The following SLC16A9 variants were observed in gnomAD, a reference collection of about 807,000 sequenced individuals.
SLC16A9 encodes the protein solute carrier family 16 member 9.
Under a neutral mutation model 44.3 loss-of-function variants are expected in SLC16A9, and 26 were observed. The observed-to-expected ratio is 0.59, with a 90% CI of 0.43 to 0.81. The LOEUF is 0.81. Ranked by LOEUF, SLC16A9 falls within the 40% of genes least tolerant of loss-of-function variation. SLC16A9 has a pLI of 0.00. For missense variants in SLC16A9, 559 were observed against 595.8 expected, an observed-to-expected ratio of 0.94 and a Z score of 0.64; for synonymous variants, 230 against 225.1, an observed-to-expected ratio of 1.02 and a Z score of -0.19.
At position 59,652,625 on chromosome 10, in the gene SLC16A9, A is replaced by AT. The variant is rs929703405; in HGVS notation, c.*146_*147insA. ...ACACTACATAAAAAATAGGATATAT[A>AT]AAAAAAAATAATTCATTCAGAGTCA... On this transcript the variant is annotated 3_prime_UTR_variant, in exon 6 of 6. Transcript: ENST00000395348. 3.3e-5 allele frequency: 20 copies of AT among 607,788 alleles called. No homozygotes were observed. Among genetic ancestry groups the AT allele is most frequent in the African/African-American group, 2.5e-4 (11 of 44,662 alleles). The allele number at this position is 607,788 out of a possible 1,614,324, so 37.6% of individuals were successfully genotyped here.
rs1348234116 is a variant in SLC16A9 at position 59,709,168 on chromosome 10, T to TG, written c.-37+310dup. Among the ~76,000 whole-genome samples the TG allele has an allele frequency of 2.0e-5, 3 of 152,216 alleles. No individual in the cohort carries two copies. The South Asian group carries it at 6.2e-4, about 32-fold the overall frequency. On this transcript the variant is annotated intron_variant, in intron 1 of 5. Transcript: ENST00000395348. ...TCTCTGGAGTCCAGAGGCAGCTCTC[T>TG]GGGGGGCCACCGTACCACCCCCAGG...
chr10:59,660,217 G>GT, intron 4 of SLC16A9, among the ~76,000 whole-genome samples: 1 of 152,048 alleles, frequency 6.6e-6, no homozygotes, highest in Non-Finnish European at 1.5e-5. Flanking sequence ...CCAGGAGCTG[G>GT]TTTTTTGAAA....
Position 59,653,821 on chromosome 10 carries a change from G to C in SLC16A9, c.1205C>G (p.Ser402Cys). 2 of 1,614,126 alleles carry C rather than the reference G, an allele frequency of 1.2e-6. No homozygotes were observed. The highest frequency in any genetic ancestry group is 1.7e-6 in the Non-Finnish European group (2 of 1,180,042). Residue 402 changes from serine to cysteine, a missense_variant, in exon 5 of 6, where the codon TCT becomes TGT. Transcript: ENST00000395348. Reference sequence around the variant, plus strand: ...ACCAGTAAGAAACCCTAGGATCCCAGAAAGCAACGCCAATGTGACATAGCT... The same window carrying C: ...ACCAGTAAGAAACCCTAGGATCCCACAAAGCAACGCCAATGTGACATAGCT... ...AKSYVTLALL[S>C]GILGFLTGNW...
At chr10:59,663,624 G>C (rs754868970) in intron 4 of SLC16A9, among the ~76,000 whole-genome samples, 2 of 152,044 alleles carry the variant, frequency 1.3e-5, no homozygotes, top group Non-Finnish European at 2.9e-5. Flanking sequence ...GGGGGGCTAC[G>C]GGAGGGATAG....
At chr10:59,698,165 AT>A (rs1840443545) in intron 1 of SLC16A9, among the ~76,000 whole-genome samples, 1 of 152,244 alleles carries the variant, frequency 6.6e-6, no homozygotes, top group Admixed American at 6.5e-5. Flanking sequence ...TTATTTAGAA[AT>A]CTAGGGCTTT....
intron 2 of SLC16A9, among the ~76,000 whole-genome samples, chr10:59,675,369 AG>A (rs1839836179): frequency 6.6e-6 from 1 of 152,208 alleles, no homozygotes; most frequent in Non-Finnish European, 1.5e-5. Flanking sequence ...AAGAACATCA[AG>A]GTACTGTTAG....
chr10:59,669,725 T>G (rs1839701380), intron 3 of SLC16A9, among the ~76,000 whole-genome samples: 1 of 151,932 alleles, frequency 6.6e-6, no homozygotes, highest in Admixed American at 6.6e-5. Flanking sequence ...AGTCCCAGCT[T>G]ACTCGGGAGG....
chr10:59,651,241 C>A lies in SLC16A9; in HGVS notation c.*1531G>T, dbSNP rs893468802. On this transcript the variant is annotated 3_prime_UTR_variant, in exon 6 of 6. Transcript: ENST00000395348. ...TTGTGTTTATAAAGTGCTTCAGGCGCCTTCGAAGAAAGGCAACATACAAGT... is the reference window on the plus strand; with the variant it reads ...TTGTGTTTATAAAGTGCTTCAGGCGACTTCGAAGAAAGGCAACATACAAGT... 1 of 152,050 alleles carries A rather than the reference C, an allele frequency of 6.6e-6. No individual in the cohort carries two copies. The highest frequency in any genetic ancestry group is 1.5e-5 in the Non-Finnish European group (1 of 68,008). 9.4% of individuals were successfully genotyped at this position (152,050 alleles called of 1,614,324 possible).
chr10:59,655,394 A>G (rs1186782048), intron 4 of SLC16A9, among the ~76,000 whole-genome samples: 1 of 152,230 alleles, frequency 6.6e-6, no homozygotes, highest in Non-Finnish European at 1.5e-5. Flanking sequence ...TATTTATTCC[A>G]GAAAAGTAAA....
chr10:59,656,819 G>C (rs989920344), intron 4 of SLC16A9, among the ~76,000 whole-genome samples: 1 of 152,120 alleles, frequency 6.6e-6, no homozygotes, highest in African/African-American at 2.4e-5. Flanking sequence ...TCTTCAAAAA[G>C]AGCATCCTAA....
At chr10:59,692,834 AT>A (rs1236261666) in intron 1 of SLC16A9, among the ~76,000 whole-genome samples, 6 of 152,188 alleles carry the variant, frequency 3.9e-5, no homozygotes, top group Admixed American at 3.9e-4. Flanking sequence ...AAACAAAAAA[AT>A]GTAGGTAAAC....
intron 1 of SLC16A9, among the ~76,000 whole-genome samples, chr10:59,708,410 G>T (rs1438154817): frequency 6.6e-6 from 1 of 152,148 alleles, no homozygotes; most frequent in Non-Finnish European, 1.5e-5. Flanking sequence ...CGAAGCTGAA[G>T]CCAACTCAAA....
chr10:59,703,947 A>T (rs1259544649), intron 1 of SLC16A9, among the ~76,000 whole-genome samples: 1 of 151,718 alleles, frequency 6.6e-6, no homozygotes, highest in Admixed American at 6.6e-5. Flanking sequence ...TGGTCTCAAT[A>T]TCCTGACCTC....
intron 4 of SLC16A9, among the ~76,000 whole-genome samples, chr10:59,663,872 T>C (rs746069495): frequency 6.6e-6 from 1 of 152,034 alleles, no homozygotes; most frequent in Non-Finnish European, 1.5e-5. Flanking sequence ...TCAAGTTTTA[T>C]GATCATTTAA....
intron 3 of SLC16A9, among the ~76,000 whole-genome samples, chr10:59,667,295 C>T (rs1839642639): frequency 6.6e-6 from 1 of 152,144 alleles, no homozygotes; most frequent in African/African-American, 2.4e-5. Context: ...CTAATTACAT[C>T]TTTGTATGAG....
intron 1 of SLC16A9, among the ~76,000 whole-genome samples, chr10:59,696,905 C>G (rs1840397200): frequency 7.2e-6 from 1 of 139,726 alleles, no homozygotes; most frequent in African/African-American, 2.6e-5. Context: ...CGTCTCCGCC[C>G]GACAGCCACC....
At chr10:59,679,853 C>T (rs1299533797) in intron 2 of SLC16A9, among the ~76,000 whole-genome samples, 1 of 152,224 alleles carries the variant, frequency 6.6e-6, no homozygotes, top group Non-Finnish European at 1.5e-5. Context: ...CTTCCCTCTC[C>T]CTGTCTATCT....
At chr10:59,689,175 G>A (rs1840200590) in intron 1 of SLC16A9, among the ~76,000 whole-genome samples, 1 of 152,122 alleles carries the variant, frequency 6.6e-6, no homozygotes, top group African/African-American at 2.4e-5. Flanking sequence ...TACATGTAGT[G>A]TCAATAGAAC....
chr10:59,658,753 C>T (rs1400880088), intron 4 of SLC16A9, among the ~76,000 whole-genome samples: 1 of 152,222 alleles, frequency 6.6e-6, no homozygotes, highest in Non-Finnish European at 1.5e-5. Context: ...TGTCCTCTGA[C>T]TCTGGCCTTG....
Sources: gnomAD v4.1 joint callset for allele counts (sites outside exome capture counted in the v4.1 genomes callset) on GRCh38, gnomAD v4.1.1 for gene constraint, MANE v1.5 for transcripts, NCBI Gene and HGNC (gene_info 2026-07-23, HGNC 2026-07-21) for gene names.